The following ARHGAP32 variants were observed in gnomAD, a reference collection of about 807,000 sequenced individuals.
ARHGAP32 encodes the protein rho GTPase-activating protein 32.
Under a neutral mutation model 186.5 loss-of-function variants are expected in ARHGAP32, and 51 were observed. The ratio of observed to expected loss-of-function variants is 0.27; its 90% CI spans 0.22 to 0.35. The LOEUF is 0.35. ARHGAP32 is among the 10% of genes least tolerant of loss of function. ARHGAP32 has a pLI of 1.00. For synonymous variants in ARHGAP32, 950 were observed against 964.3 expected, an observed-to-expected ratio of 0.99 and a Z score of 0.27; for missense variants, 2,186 against 2,623.5, an observed-to-expected ratio of 0.83 and a Z score of 3.64.
chr11:128,983,051 A>C (rs1452915784), intron 15 of ARHGAP32, among the ~76,000 whole-genome samples: 3 of 152,200 alleles, frequency 2.0e-5, no homozygotes, highest in Non-Finnish European at 2.9e-5. Context: ...GGAATATCAT[A>C]GTTAGACTCG....
upstream of ARHGAP32, among the ~76,000 whole-genome samples, chr11:129,194,403 CA>C (rs1469774408): frequency 1.3e-5 from 2 of 152,096 alleles, no homozygotes; most frequent in African/African-American, 4.8e-5. Context: ...GAATGCTACA[CA>C]GTGAGTATAT....
intron 1 of ARHGAP32, among the ~76,000 whole-genome samples, chr11:129,236,040 A>G (rs1259013662): frequency 6.6e-6 from 1 of 152,132 alleles, no homozygotes; most frequent in Non-Finnish European, 1.5e-5. Context: ...TGCATGTGCA[A>G]GTATCTTTTT....
At chr11:129,168,367 G>A (rs182305646) in intron 1 of ARHGAP32, among the ~76,000 whole-genome samples, 11 of 152,304 alleles carry the variant, frequency 7.2e-5, no homozygotes, top group African/African-American at 1.2e-4. Context: ...GAAGGCTAGC[G>A]TAGCTATATT....
At chr11:129,184,489 T>C (rs960510976) in intron 1 of ARHGAP32, among the ~76,000 whole-genome samples, 1 of 152,016 alleles carries the variant, frequency 6.6e-6, no homozygotes, top group Non-Finnish European at 1.5e-5. Flanking sequence ...TCTACTCAAA[T>C]TGAATTTGAA....
chr11:129,205,897 C>G (rs12272870), intron 1 of ARHGAP32, among the ~76,000 whole-genome samples: 2,960 of 151,990 alleles, frequency 0.019, 48 homozygotes, highest in African/African-American at 0.042. Flanking sequence ...AATATTTTAA[C>G]TTTTTTATTA....
Position 128,973,200 on chromosome 11 carries a change from G to A in ARHGAP32, c.3306C>T (p.Tyr1102=), listed in dbSNP as rs967885678. Residue 1102 remains tyrosine (Y), a synonymous_variant, in exon 22 of 23, where the codon TAC becomes TAT. Transcript: ENST00000682385. ...AGGCCTTATCTAGAGCAACTGCAGA[G>A]TAAGAACTGGACAGATTATCTTCAG... ...ATTEDNLSSS[Y]SAVALDKAYF... 1 of 1,614,210 alleles carries A rather than the reference G, an allele frequency of 6.2e-7. No homozygotes were observed. The highest frequency in any genetic ancestry group is 8.5e-7 in the Non-Finnish European group (1 of 1,180,050).
intron 2 of ARHGAP32, among the ~76,000 whole-genome samples, chr11:129,134,209 A>G (rs1942886471): frequency 6.6e-6 from 1 of 152,132 alleles, no homozygotes; most frequent in Admixed American, 6.5e-5. Flanking sequence ...AACCCTGTTC[A>G]TTAAAAAAAA....
chr11:129,129,434 A>G (rs1325321618), intron 2 of ARHGAP32, among the ~76,000 whole-genome samples: 6 of 139,320 alleles, frequency 4.3e-5, no homozygotes, highest in African/African-American at 1.6e-4. Flanking sequence ...GCCCCCGCCC[A>G]GCCACTGCCC....
At chr11:129,007,647 A>C (rs1272629065) in intron 11 of ARHGAP32, among the ~76,000 whole-genome samples, 2 of 151,896 alleles carry the variant, frequency 1.3e-5, no homozygotes, top group Non-Finnish European at 2.9e-5. Context: ...GAAAGAAGGG[A>C]TCTGTTTTGG....
chr11:129,124,995 C>T, intron 2 of ARHGAP32, 101 bp from the exon 3 acceptor site: 1 of 698,592 alleles, frequency 1.4e-6, no homozygotes, highest in Non-Finnish European at 2.3e-6. Context: ...TGACTTTTTA[C>T]CTACAAAATA....
rs1942894298 is a variant in ARHGAP32 at position 129,134,543 on chromosome 11, G to T, written c.226-9649C>A. ...TTTGAAACATATTAGCAATAAACATGCAGAATATAAAATTTTAAAACCAAT... is the reference window on the plus strand; with the variant it reads ...TTTGAAACATATTAGCAATAAACATTCAGAATATAAAATTTTAAAACCAAT... On this transcript the variant is annotated intron_variant, in intron 2 of 22. Coordinates refer to ENST00000682385, the MANE Select transcript of ARHGAP32 (RefSeq NM_001378024.1). Among the ~76,000 whole-genome samples, 3 of 152,198 alleles carry T rather than the reference G, an allele frequency of 2.0e-5. No homozygotes were observed. In the South Asian group the frequency reaches 6.2e-4, roughly 32 times the overall value.
intron 5 of ARHGAP32, among the ~76,000 whole-genome samples, chr11:129,116,337 C>T (rs1418177376): frequency 6.6e-6 from 1 of 152,012 alleles, no homozygotes; most frequent in Non-Finnish European, 1.5e-5. Context: ...AATTCTTGGA[C>T]TGAATAATCT....
At chr11:129,080,988 T>C (rs962718830) in intron 6 of ARHGAP32, among the ~76,000 whole-genome samples, 2 of 152,012 alleles carry the variant, frequency 1.3e-5, no homozygotes, top group East Asian at 1.9e-4. Context: ...TAAATGTGCA[T>C]AAACTAGAAA....
At position 129,122,859 on chromosome 11, in the gene ARHGAP32, T is replaced by C. The variant is rs148295518; in HGVS notation, c.444+587A>G. ...ATGTAAAGGGTGGCTTTTGTTCCCC[T>C]GGGGAAATATAATTTTTTAAATAAC... On this transcript the variant is annotated intron_variant, in intron 5 of 22. Coordinates refer to ENST00000682385, the MANE Select transcript of ARHGAP32 (RefSeq NM_001378024.1). 4.2e-3 allele frequency among the ~76,000 whole-genome samples: 636 copies of C among 152,176 alleles called. 9 individuals carry two copies. The highest frequency in any genetic ancestry group is 0.014 in the African/African-American group (595 of 41,552).
chr11:129,123,353 T>A lies in ARHGAP32; in HGVS notation c.444+93A>T. ...TTAAAAAAAAAACTACTTCAAAGTG[T>A]CATCTATTAGATACAGATATATAGA... On this transcript the variant is annotated intron_variant, in intron 5 of 22. Transcript: ENST00000682385. The surrounding 1 kb of genome is among the most constrained non-coding windows in gnomAD (Gnocchi z 4.6). The A allele has an allele frequency of 9.7e-7, 1 of 1,033,292 alleles. No individual in the cohort carries two copies. The highest frequency in any genetic ancestry group is 1.4e-6 in the Non-Finnish European group (1 of 711,206). The allele number at this position is 1,033,292 out of a possible 1,614,324, so 64.0% of individuals were successfully genotyped here.
intron 2 of ARHGAP32, among the ~76,000 whole-genome samples, chr11:129,130,452 T>C (rs1942784852): frequency 6.6e-6 from 1 of 151,826 alleles, no homozygotes; most frequent in Non-Finnish European, 1.5e-5. Flanking sequence ...AATTAATACA[T>C]TCAACGACAT....
chr11:128,974,571 G>C lies in ARHGAP32; in HGVS notation c.2626C>G (p.Leu876Val). Reference protein sequence around the residue: ...SEPVSPLQEKLSPFFTLDLSP... With the variant: ...SEPVSPLQEKVSPFFTLDLSP... ...AAGTCCAGGGTAAAGAATGGACTCA[G>C]TTTCTCCTGAAGAGGAGAGACAGGT... Residue 876 changes from leucine to valine, a missense_variant, in exon 21 of 23, where the codon CTG becomes GTG. Leu to Val is a conservative substitution (Grantham distance 32). Transcript: ENST00000682385. The C allele has an allele frequency of 6.2e-7, 1 of 1,614,178 alleles. No homozygotes were observed. Among genetic ancestry groups the C allele is most frequent in the South Asian group, 1.1e-5 (1 of 91,078 alleles).
At chr11:129,194,105 C>G (rs1028140443), upstream of ARHGAP32, among the ~76,000 whole-genome samples, 4 of 151,920 alleles carry the variant, frequency 2.6e-5, no homozygotes, top group Non-Finnish European at 5.9e-5. Context: ...AAGGTTTTAA[C>G]AAACTGAAAG....
intron 11 of ARHGAP32, among the ~76,000 whole-genome samples, chr11:129,005,781 C>T (rs577426870): frequency 6.6e-6 from 1 of 152,164 alleles, no homozygotes; most frequent in Non-Finnish European, 1.5e-5. Context: ...GTTTGGATAG[C>T]GATATCTTTC....
Sources: allele counts gnomAD v4.1 joint callset (sites outside exome capture counted in the v4.1 genomes callset), GRCh38; gene constraint gnomAD v4.1.1; non-coding constraint Gnocchi (gnomAD v3.1); transcripts MANE v1.5; gene names NCBI Gene and HGNC (gene_info 2026-07-23, HGNC 2026-07-21).